USP13: variants seen among roughly 807,000 people sequenced by gnomAD.
USP13 encodes the protein ubiquitin specific peptidase 13.
In USP13, 68 loss-of-function variants were observed where a neutral mutation model predicts 107.8. The observed-to-expected ratio is 0.63, with a 90% CI of 0.52 to 0.77. USP13 has a LOEUF of 0.77. USP13 is among the 30% of genes least tolerant of loss of function. USP13 has a pLI of 0.00. For synonymous variants in USP13, 377 were observed against 389.5 expected (o/e 0.97, Z 0.38); for missense variants, 945 against 1,093.3 (o/e 0.86, Z 1.91).
intron 10 of USP13, among the ~76,000 whole-genome samples, chr3:179,739,202 T>C (rs1266886280): frequency 2.0e-5 from 3 of 152,200 alleles, no homozygotes; most frequent in African/African-American, 7.2e-5. Flanking sequence ...TTCTGTAGGG[T>C]CCTGCATGGG....
At chr3:179,769,640 C>T (rs1715284167) in intron 19 of USP13, among the ~76,000 whole-genome samples, 1 of 152,176 alleles carries the variant, frequency 6.6e-6, no homozygotes, top group Admixed American at 6.5e-5. Context: ...AACTCCTGAG[C>T]TCAGGCAGTC....
At chr3:179,667,105 G>A (rs1239722296) in intron 1 of USP13, among the ~76,000 whole-genome samples, 1 of 152,192 alleles carries the variant, frequency 6.6e-6, no homozygotes, top group Non-Finnish European at 1.5e-5. Context: ...ATCTGTAGCA[G>A]AGGTACTTGC....
At chr3:179,763,877 C>T (rs780098149) in intron 17 of USP13, 125 bp from the exon 18 acceptor site, 387 of 1,293,986 alleles carry the variant, frequency 3.0e-4, no homozygotes, top group Non-Finnish European at 3.7e-4. Flanking sequence ...TGAGCCACTG[C>T]GCCTGGCCCA....
rs1284393601 is a variant in USP13, at chr3:179,786,310, G to A, written c.*2169G>A. ...CAAAGGCCTGTTTTTTGGAATTGGG[G>A]GTGACTGGGTGGTTTGGATTGAAAT... On this transcript the variant is annotated 3_prime_UTR_variant, in exon 21 of 21. Coordinates refer to ENST00000263966, the MANE Select transcript of USP13 (RefSeq NM_003940.3). The A allele has an allele frequency of 2.0e-5, 3 of 152,074 alleles. No homozygotes were observed. The East Asian group carries it at 5.8e-4, about 29-fold the overall frequency. The allele number at this position is 152,074 out of a possible 1,614,324, so 9.4% of individuals were successfully genotyped here.
At chr3:179,699,699 C>CAAAA (rs10646420) in intron 3 of USP13, among the ~76,000 whole-genome samples, 6,335 of 118,044 alleles carry the variant, frequency 0.054, 952 homozygotes, top group African/African-American at 0.18. Flanking sequence ...CACCCTGCCT[C>CAAAA]AAAAAAAAAA....
intron 2 of USP13, among the ~76,000 whole-genome samples, chr3:179,689,158 G>A (rs1005952611): frequency 1.3e-5 from 2 of 152,150 alleles, no homozygotes; most frequent in Admixed American, 6.5e-5. Flanking sequence ...ATGATGCGGC[G>A]TTAAACCCAC....
In USP13 at chr3:179,765,751, A is replaced by T; in HGVS notation, c.2316A>T (p.Glu772Asp). Residue 772 changes from glutamate to aspartate, a missense_variant, in exon 19 of 21, where the codon GAA becomes GAT. Physicochemically the swap from Glu to Asp is conservative, Grantham distance 45. Transcript: ENST00000263966. ...TCTTTAGCCACCCTGAGTTTGAAGA[A>T]GACAGTGATTTTGTGATTGAGATGG... ...DWIFSHPEFE[E>D]DSDFVIEMEN... 6.2e-7 allele frequency: 1 copy of T among 1,614,238 alleles called. No individual in the cohort carries two copies. Among genetic ancestry groups the T allele is most frequent in the Non-Finnish European group, 8.5e-7 (1 of 1,180,040 alleles).
chr3:179,659,840 G>A (rs1337492377), intron 1 of USP13, among the ~76,000 whole-genome samples: 3 of 152,080 alleles, frequency 2.0e-5, no homozygotes, highest in Admixed American at 6.6e-5. Context: ...TCAGGAGTTC[G>A]AGACCAGCCT....
intron 8 of USP13, among the ~76,000 whole-genome samples, chr3:179,725,759 T>C (rs1251649920): frequency 6.6e-6 from 1 of 152,246 alleles, no homozygotes; most frequent in African/African-American, 2.4e-5. Context: ...GATGCTGTTC[T>C]TGTGCTGGAG....
At chr3:179,693,025 C>CA (rs1354322712) in intron 3 of USP13, among the ~76,000 whole-genome samples, 2 of 152,082 alleles carry the variant, frequency 1.3e-5, no homozygotes, top group Non-Finnish European at 2.9e-5. Flanking sequence ...CTCACAGCCC[C>CA]AAAAAAGTGT....
At chr3:179,761,687 A>T (rs1259131288) in intron 17 of USP13, among the ~76,000 whole-genome samples, 2 of 152,172 alleles carry the variant, frequency 1.3e-5, no homozygotes, top group Admixed American at 1.3e-4. Context: ...GCACCACTGC[A>T]CTCTGGCCTG....
chr3:179,761,654 G>A (rs983405543), intron 17 of USP13, among the ~76,000 whole-genome samples: 2 of 152,082 alleles, frequency 1.3e-5, no homozygotes, highest in Non-Finnish European at 2.9e-5. Flanking sequence ...CGCAGGAGGC[G>A]GAGGCTGCAG....
At chr3:179,774,264 C>T (rs569388316) in intron 19 of USP13, among the ~76,000 whole-genome samples, 39 of 152,308 alleles carry the variant, frequency 2.6e-4, no homozygotes, top group African/African-American at 9.1e-4. Context: ...AGGGATCCAC[C>T]TCCATGTCCC....
Position 179,752,342 on chromosome 3 carries a change from T to C in USP13, c.1767T>C (p.Thr589=). Residue 589 remains threonine, a synonymous_variant, in exon 14 of 21, where the codon ACT becomes ACC. Transcript: ENST00000263966. The stretch of plus-strand genomic sequence containing the variant: ...TGGTAGTGCAGATAAAGAAGTTCAC[T>C]TTTGGTCTTGACTGGGTTCCCAAAA... The part of the protein sequence containing the change: ...EYLVVQIKKF[T]FGLDWVPKKF... 6.2e-7 allele frequency: 1 copy of C among 1,614,198 alleles called. No homozygotes were observed. Among genetic ancestry groups the C allele is most frequent in the East Asian group, 2.2e-5 (1 of 44,882 alleles).
intron 13 of USP13, among the ~76,000 whole-genome samples, chr3:179,750,326 G>GTGTATATATATA (rs1553797370): frequency 0.014 from 1,066 of 75,766 alleles, 7 homozygotes; most frequent in Non-Finnish European, 0.02. Context: ...ATATATGTGT[G>GTGTATATATATA]TATATATATA....
intron 8 of USP13, among the ~76,000 whole-genome samples, chr3:179,729,960 T>C (rs1280338347): frequency 5.3e-5 from 8 of 152,226 alleles, no homozygotes; most frequent in Non-Finnish European, 7.3e-5. Flanking sequence ...AGAAACTCTT[T>C]GGGTGAATCT....
Position 179,707,073 on chromosome 3 carries a change from C to G in USP13, c.617C>G (p.Pro206Arg). The G allele has an allele frequency of 6.2e-7, 1 of 1,613,192 alleles. No individual in the cohort carries two copies. Among genetic ancestry groups the G allele is most frequent in the Non-Finnish European group, 8.5e-7 (1 of 1,179,728 alleles). Residue 206 changes from proline (P) to arginine (R), a missense_variant, in exon 5 of 21, where the codon CCA becomes CGA. Physicochemically the swap from Pro to Arg is moderately radical, Grantham distance 103. Coordinates refer to ENST00000263966, the MANE Select transcript of USP13 (RefSeq NM_003940.3). ...CTGGACAATGGAGTCAGGATTCCTC[C>G]AAGGTGAGAGTCAGATAGCAGAATG... is the stretch of plus-strand genomic sequence containing the variant. ...TQLDNGVRIP[P>R]SGWKCARCDL...
intron 1 of USP13, among the ~76,000 whole-genome samples, chr3:179,672,387 T>C (rs1439818052): frequency 1.3e-5 from 2 of 151,978 alleles, no homozygotes; most frequent in African/African-American, 4.8e-5. Flanking sequence ...TTTCTTTTTT[T>C]TTCTTTTTTT....
chr3:179,751,465 C>T (rs1714608654), intron 13 of USP13, among the ~76,000 whole-genome samples: 1 of 152,096 alleles, frequency 6.6e-6, no homozygotes, highest in South Asian at 2.1e-4. Flanking sequence ...GCAGTAAGCC[C>T]TTCGTCCGCC....
Sources: allele counts gnomAD v4.1 joint callset (sites outside exome capture counted in the v4.1 genomes callset), GRCh38; gene constraint gnomAD v4.1.1; transcripts MANE v1.5; gene names NCBI Gene and HGNC (gene_info 2026-07-23, HGNC 2026-07-21).